HYLS1: variants seen among roughly 807,000 people sequenced by gnomAD.
HYLS1 encodes the protein HYLS1 centriolar and ciliogenesis associated, also known as centriolar and ciliogenesis-associated protein HYLS1.
A neutral mutation model predicts 29.4 loss-of-function variants in HYLS1; 25 were observed. The observed-to-expected ratio is 0.85, with a 90% CI of 0.62 to 1.19. The LOEUF is 1.19. HYLS1 is among the 50% of genes most tolerant of loss of function. The pLI is 0.00. For synonymous variants in HYLS1, 128 were observed against 126.7 expected (o/e 1.01, Z -0.07); for missense variants, 352 against 365.1 (o/e 0.96, Z 0.29).
upstream of HYLS1, chr11:125,886,919 C>CA (rs34048608): frequency 0.26 from 21,871 of 84,660 alleles, 3,491 homozygotes; most frequent in African/African-American, 0.41. Context: ...AACTCCGTCT[C>CA]AAAAAAAAAA....
intron 2 of HYLS1, chr11:125,893,694 ATTCCT>A (rs1045882411): frequency 1.0e-6 from 1 of 993,514 alleles, no homozygotes. Context: ...GATCATCTGA[ATTCCT>A]AGTACTTGCA....
rs563080062 is a variant in HYLS1, at chr11:125,892,395, T to G, written c.-26+923T>G. Reference sequence around the variant, plus strand: ...ATTTTTATGGTTGCAAAGGATAATGTATTTAAGACAACTCTGAGTTCTTTT... The same window carrying G: ...ATTTTTATGGTTGCAAAGGATAATGGATTTAAGACAACTCTGAGTTCTTTT... On this transcript the variant is annotated intron_variant, in intron 2 of 2. Coordinates refer to ENST00000425380, the MANE Select transcript of HYLS1 (RefSeq NM_001134793.2). 2.0e-5 allele frequency among the ~76,000 whole-genome samples: 3 copies of G among 152,336 alleles called. No individual in the cohort carries two copies. In the East Asian group the frequency reaches 5.8e-4, roughly 29 times the overall value.
chr11:125,885,994 G>A (rs138315551), upstream of HYLS1, among the ~76,000 whole-genome samples: 37 of 152,244 alleles, frequency 2.4e-4, no homozygotes, highest in African/African-American at 8.7e-4. Context: ...CTACATTACA[G>A]TGAGTTGCAT....
intron 2 of HYLS1, chr11:125,893,583 C>T (rs1944473271): frequency 6.4e-6 from 3 of 466,766 alleles, no homozygotes; most frequent in South Asian, 9.2e-5. Flanking sequence ...TCGCTTAATC[C>T]TTTTGGACCG....
intron 2 of HYLS1, chr11:125,898,978 A>C (rs1452571074): frequency 1.7e-5 from 3 of 173,010 alleles, no homozygotes; most frequent in Non-Finnish European, 3.7e-5. Flanking sequence ...TGTAAAGCAC[A>C]TAGAACAATG....
chr11:125,893,992 G>T, intron 2 of HYLS1: 1 of 1,614,084 alleles, frequency 6.2e-7, no homozygotes, highest in Non-Finnish European at 8.5e-7. Context: ...GGTCCATGAG[G>T]GGCTTATATG....
upstream of HYLS1, chr11:125,884,002 GTGTTGCAA>G (rs1221918186): frequency 6.6e-6 from 1 of 152,238 alleles, no homozygotes; most frequent in Non-Finnish European, 1.5e-5. Flanking sequence ...GAAGAGAGCT[GTGTTGCAA>G]TCAAAAGGTA....
intron 2 of HYLS1, chr11:125,896,402 A>T: frequency 1.0e-6 from 1 of 988,672 alleles, no homozygotes. Flanking sequence ...GGTATATAAG[A>T]TTTAATTTAA....
intron 2 of HYLS1, among the ~76,000 whole-genome samples, chr11:125,898,322 T>C (rs1237393176): frequency 6.6e-6 from 1 of 152,220 alleles, no homozygotes; most frequent in Non-Finnish European, 1.5e-5. Context: ...ATGTGGCTGA[T>C]TGATGTGGAT....
chr11:125,898,717 G>A lies in HYLS1; in HGVS notation c.-25-627G>A, dbSNP rs543416116. Among the ~76,000 whole-genome samples the A allele has an allele frequency of 4.0e-5, 6 of 151,454 alleles. No homozygotes were observed. In the South Asian group the frequency reaches 6.2e-4, roughly 16 times the overall value. On this transcript the variant is annotated intron_variant, in intron 2 of 2. Coordinates refer to ENST00000425380, the MANE Select transcript of HYLS1 (RefSeq NM_001134793.2). Reference sequence around the variant, plus strand: ...AAGCATAGAAATTATATGTATGCACGTATATACACATTATATGTGTGTGAG... The same window carrying A: ...AAGCATAGAAATTATATGTATGCACATATATACACATTATATGTGTGTGAG...
intron 2 of HYLS1, chr11:125,893,913 G>A (rs1211444393): frequency 1.2e-6 from 2 of 1,613,974 alleles, no homozygotes; most frequent in Non-Finnish European, 1.7e-6. Context: ...TGGAATAAAT[G>A]TGGGTGCTCA....
upstream of HYLS1, among the ~76,000 whole-genome samples, chr11:125,884,264 C>T (rs1944270300): frequency 6.6e-6 from 1 of 152,184 alleles, no homozygotes; most frequent in African/African-American, 2.4e-5. Context: ...AAATTGAACT[C>T]TGGATATCTG....
upstream of HYLS1, among the ~76,000 whole-genome samples, chr11:125,886,163 A>G (rs1944301105): frequency 6.6e-6 from 1 of 152,190 alleles, no homozygotes; most frequent in Admixed American, 6.5e-5. Context: ...GGACCGCTGC[A>G]CTAAAGGAGT....
chr11:125,890,328 T>A (rs1944388397), intron 1 of HYLS1, among the ~76,000 whole-genome samples: 1 of 152,258 alleles, frequency 6.6e-6, no homozygotes, highest in African/African-American at 2.4e-5. Context: ...AATAGCTTTC[T>A]AAGAGGAATT....
At position 125,900,419 on chromosome 11, in the gene HYLS1, C is replaced by T. The variant is rs898088471; in HGVS notation, c.*151C>T. On this transcript the variant is annotated 3_prime_UTR_variant, in exon 3 of 3. Transcript: ENST00000425380. ...ATTGGTCTTTCCTAGCTATATATCA[C>T]ATTGGTATCAGATGATACTTCCAAA... is the stretch of plus-strand genomic sequence containing the variant. 44 of 698,402 alleles carry T rather than the reference C, an allele frequency of 6.3e-5. No individual in the cohort carries two copies. Among genetic ancestry groups the T allele is most frequent in the Non-Finnish European group, 1.0e-4 (42 of 406,274 alleles). The allele number at this position is 698,402 out of a possible 1,614,324, so 43.3% of individuals were successfully genotyped here. A position where few individuals can be genotyped will look rare whatever the true frequency, so the allele number is the denominator to read the frequency against.
chr11:125,889,163 A>T (rs1036054039), intron 1 of HYLS1, among the ~76,000 whole-genome samples: 9 of 152,236 alleles, frequency 5.9e-5, no homozygotes, highest in Non-Finnish European at 1.3e-4. Context: ...TCAGTAATAA[A>T]TTGGGAACAC....
chr11:125,884,151 A>G (rs552480797), upstream of HYLS1: 2 of 152,358 alleles, frequency 1.3e-5, no homozygotes, highest in East Asian at 3.8e-4. Flanking sequence ...AGAAATTTAA[A>G]GAATAAAAGA....
chr11:125,897,993 C>T (rs545196792), intron 2 of HYLS1, among the ~76,000 whole-genome samples: 15 of 152,148 alleles, frequency 9.9e-5, no homozygotes, highest in Admixed American at 4.6e-4. Flanking sequence ...ATTGGAATTC[C>T]GCGCAACATA....
intron 2 of HYLS1, chr11:125,894,385 C>T (rs541646890): frequency 5.1e-5 from 47 of 926,948 alleles, no homozygotes; most frequent in Admixed American, 4.2e-4. Context: ...CCGGGTAGGG[C>T]GCCACCATTG....
Sources: gnomAD v4.1 joint callset for allele counts (sites outside exome capture counted in the v4.1 genomes callset) on GRCh38, gnomAD v4.1.1 for gene constraint, MANE v1.5 for transcripts, NCBI Gene and HGNC (gene_info 2026-07-23, HGNC 2026-07-21) for gene names.